The following EEA1 variants were observed in gnomAD, a reference collection of about 807,000 sequenced individuals.
EEA1 encodes early endosome antigen 1, 162kD.
EEA1 carries 111 observed loss-of-function variants against 209.2 expected under a neutral mutation model. The ratio of observed to expected loss-of-function variants is 0.53; its 90% CI spans 0.45 to 0.62. EEA1 has a LOEUF of 0.62. Among genes scored for constraint, EEA1 ranks in the 20% least tolerant of loss-of-function variants. The probability of loss-of-function intolerance (pLI) is 0.00; values close to 1 mark genes in which losing one functional copy is unlikely to be tolerated. For synonymous variants in EEA1, 536 were observed against 540.6 expected, an observed-to-expected ratio of 0.99 and a Z score of 0.12; for missense variants, 1,343 against 1,530.8, an observed-to-expected ratio of 0.88 and a Z score of 2.05.
chr12:92,856,934 G>A (rs1877909505), intron 5 of EEA1, among the ~76,000 whole-genome samples: 2 of 151,654 alleles, frequency 1.3e-5, no homozygotes. Context: ...ACCACACTCA[G>A]CTAATTTTTA....
chr12:92,833,103 T>A (rs1019915298), intron 10 of EEA1, among the ~76,000 whole-genome samples: 10 of 152,026 alleles, frequency 6.6e-5, no homozygotes, highest in African/African-American at 2.2e-4. Context: ...AAAAAAAAAA[T>A]AAAATCTACT....
At chr12:92,881,682 G>A (rs956970643) in intron 2 of EEA1, among the ~76,000 whole-genome samples, 8 of 152,096 alleles carry the variant, frequency 5.3e-5, no homozygotes, top group Non-Finnish European at 1.2e-4. Context: ...TAGTTTCAGT[G>A]GAAAAACTGA....
rs1873419349 is a variant in EEA1 at position 92,771,170 on chromosome 12, T to C, written c.*4841A>G. On this transcript the variant is annotated 3_prime_UTR_variant, in exon 29 of 29. Coordinates refer to ENST00000322349, the MANE Select transcript of EEA1 (RefSeq NM_003566.4). ...GGAACTAGTTCTTAGGGTCAGATTA[T>C]TGCATCAAAGGGAAGTCCACAAACT... 1 of 152,148 alleles carries C rather than the reference T, an allele frequency of 6.6e-6. No homozygotes were observed. Among genetic ancestry groups the C allele is most frequent in the African/African-American group, 2.4e-5 (1 of 41,450 alleles). 9.4% of individuals were successfully genotyped at this position (152,148 alleles called of 1,614,324 possible).
At chr12:92,867,306 T>A (rs1187857248) in intron 2 of EEA1, among the ~76,000 whole-genome samples, 1 of 152,200 alleles carries the variant, frequency 6.6e-6, no homozygotes, top group Non-Finnish European at 1.5e-5. Flanking sequence ...CATTAGCTTG[T>A]CAAGTTCCTA....
chr12:92,874,994 GTAAA>G (rs1392049879), intron 2 of EEA1, among the ~76,000 whole-genome samples: 1 of 152,102 alleles, frequency 6.6e-6, no homozygotes, highest in Admixed American at 6.5e-5. Context: ...AATTTAAAAA[GTAAA>G]TAAATTTTTT....
chr12:92,822,450 T>G (rs1592720348), intron 13 of EEA1, among the ~76,000 whole-genome samples: 1 of 152,246 alleles, frequency 6.6e-6, no homozygotes, highest in Non-Finnish European at 1.5e-5. Context: ...ATTTACTTCT[T>G]AATTGCTTAC....
At chr12:92,910,406 T>C (rs1592773560) in intron 1 of EEA1, among the ~76,000 whole-genome samples, 1 of 151,284 alleles carries the variant, frequency 6.6e-6, no homozygotes, top group African/African-American at 2.4e-5. Context: ...GAGGCGGAGG[T>C]TGCAGTGAGC....
At position 92,900,825 on chromosome 12, in the gene EEA1, C is replaced by A. The variant is rs546731947; in HGVS notation, c.25-9104G>T. On this transcript the variant is annotated intron_variant, in intron 1 of 28. Coordinates refer to ENST00000322349, the MANE Select transcript of EEA1 (RefSeq NM_003566.4). Reference sequence around the variant, plus strand: ...CTGGAATTACAGGTGCCCGCCACCACGTCCAGCTAATTTTTGTATTTTTAG... The same window carrying A: ...CTGGAATTACAGGTGCCCGCCACCAAGTCCAGCTAATTTTTGTATTTTTAG... 2.5e-4 allele frequency among the ~76,000 whole-genome samples: 38 copies of A among 151,990 alleles called. 1 individual carries two copies. The South Asian group carries it at 7.5e-3, about 30-fold the overall frequency.
At position 92,827,902 on chromosome 12, in the gene EEA1, G is replaced by C. The variant is rs1229282174; in HGVS notation, c.1404+10C>G. The C allele has an allele frequency of 6.5e-7, 1 of 1,538,812 alleles. No individual in the cohort carries two copies. The highest frequency in any genetic ancestry group is 8.7e-7 in the Non-Finnish European group (1 of 1,148,390). On this transcript the variant is annotated intron_variant, in intron 12 of 28. Transcript: ENST00000322349. ...TCAAGCCTATCAATAAATTGAAAAT[G>C]CTAGCTTACCTGCTCTTCTAACCGA... is the stretch of plus-strand genomic sequence containing the variant.
Position 92,859,264 on chromosome 12 carries a change from C to T in EEA1, c.246-1779G>A, listed in dbSNP as rs544472271. ...CTTCCCATGGGAAGTGCCCAAAAAGCTTAAATATTGAAAGTTTTCATCTTT... is the reference window on the plus strand; with the variant it reads ...CTTCCCATGGGAAGTGCCCAAAAAGTTTAAATATTGAAAGTTTTCATCTTT... On this transcript the variant is annotated intron_variant, in intron 3 of 28. Coordinates refer to ENST00000322349, the MANE Select transcript of EEA1 (RefSeq NM_003566.4). 11 of 1,603,866 alleles carry T rather than the reference C, an allele frequency of 6.9e-6. No individual in the cohort carries two copies. In the East Asian group the frequency reaches 1.6e-4, roughly 23 times the overall value.
At chr12:92,880,884 A>C (rs889973306) in intron 2 of EEA1, among the ~76,000 whole-genome samples, 1 of 152,190 alleles carries the variant, frequency 6.6e-6, no homozygotes, top group African/African-American at 2.4e-5. Flanking sequence ...ATATAAAACA[A>C]ATGTAAGAAG....
intron 9 of EEA1, among the ~76,000 whole-genome samples, chr12:92,844,589 T>A (rs1194871427): frequency 6.6e-6 from 1 of 152,146 alleles, no homozygotes; most frequent in Non-Finnish European, 1.5e-5. Context: ...GAAATGGATT[T>A]AGCTACTGTG....
In EEA1 at chr12:92,832,757, C is replaced by A. The variant is rs551676624; in HGVS notation, c.1009G>T (p.Ala337Ser). ...TCTAGGTCTTTTTGATGAAGGGTTG[C>A]CTGAATATTCTTTTTACTCACAGAT... Reference protein sequence around the residue: ...EESVSKKNIQATLHQKDLDCQ... With the variant: ...EESVSKKNIQSTLHQKDLDCQ... The change falls in exon 11 of 29, where the codon GCA becomes TCA. Residue 337 changes from alanine (A) to serine (S), a missense_variant. Around this residue, in one of 3 missense-constraint regions of EEA1, gnomAD observed 1,307 missense variants for 1,465.5 expected, o/e 0.89. Coordinates refer to ENST00000322349, the MANE Select transcript of EEA1 (RefSeq NM_003566.4). The A allele has an allele frequency of 1.2e-6, 2 of 1,613,888 alleles. No homozygotes were observed. Among genetic ancestry groups the A allele is most frequent in the South Asian group, 2.2e-5 (2 of 91,066 alleles).
intron 10 of EEA1, among the ~76,000 whole-genome samples, chr12:92,834,876 CT>C (rs944234897): frequency 1.6e-3 from 240 of 148,876 alleles, no homozygotes; most frequent in African/African-American, 5.7e-3. Context: ...TATAAATCAT[CT>C]TTTTTTTTTC....
intron 14 of EEA1, among the ~76,000 whole-genome samples, chr12:92,817,674 A>G (rs1274154392): frequency 6.6e-6 from 1 of 152,244 alleles, no homozygotes. Context: ...GTCATGGCTC[A>G]CATTGTTTCT....
chr12:92,857,425 TCTTAC>T lies in EEA1; in HGVS notation c.300+1_300+5del. The T allele has an allele frequency of 6.3e-7, 1 of 1,593,258 alleles. No homozygotes were observed. The highest frequency in any genetic ancestry group is 8.5e-7 in the Non-Finnish European group (1 of 1,172,372). On this transcript the variant is annotated splice_donor_variant and splice_donor_5th_base_variant and intron_variant, in intron 4 of 28. Coordinates refer to ENST00000322349, the MANE Select transcript of EEA1 (RefSeq NM_003566.4). LOFTEE classifies it high-confidence loss of function. The stretch of plus-strand genomic sequence containing the variant: ...AATAAAAAGGTATAACAATTTTTAT[TCTTAC>T]CTTAAGTGAAGCCTGTAGGTCTTGG...
chr12:92,803,228 T>TA (rs1875023574), intron 18 of EEA1, among the ~76,000 whole-genome samples: 2 of 152,062 alleles, frequency 1.3e-5, no homozygotes, highest in East Asian at 1.9e-4. Context: ...GAAAGAAAAT[T>TA]AAAAAAATAT....
intron 10 of EEA1, among the ~76,000 whole-genome samples, chr12:92,841,868 C>T (rs866487338): frequency 1.3e-5 from 2 of 152,252 alleles, no homozygotes; most frequent in Middle Eastern, 3.4e-3. Flanking sequence ...CTACCAATTC[C>T]ACTTACAGGT....
intron 21 of EEA1, among the ~76,000 whole-genome samples, chr12:92,796,123 G>T (rs1210027134): frequency 6.6e-6 from 1 of 151,222 alleles, no homozygotes; most frequent in African/African-American, 2.4e-5. Flanking sequence ...TTTGATAACT[G>T]CTCCATTATA....
Sources: gnomAD v4.1 joint callset for allele counts (sites outside exome capture counted in the v4.1 genomes callset) on GRCh38, gnomAD v4.1.1 for gene constraint, gnomAD v4.1.1 regional missense constraint, MANE v1.5 for transcripts, NCBI Gene and HGNC (gene_info 2026-07-23, HGNC 2026-07-21) for gene names.